The following KCTD4 variants were observed in gnomAD, a reference collection of about 807,000 sequenced individuals.
KCTD4 encodes potassium channel tetramerization domain containing 4.
A neutral mutation model predicts 18.3 loss-of-function variants in KCTD4; 12 were observed. The ratio of observed to expected loss-of-function variants is 0.66; its 90% CI spans 0.42 to 1.06. The LOEUF is 1.06. Ranked by LOEUF, KCTD4 falls within the 50% of genes least tolerant of loss-of-function variation. The pLI, the probability that KCTD4 is intolerant of heterozygous loss-of-function variation, is 0.00. For missense variants in KCTD4, 250 were observed against 303.4 expected (o/e 0.82, Z 1.31); for synonymous variants, 124 against 110.5 (o/e 1.12, Z -0.76).
At chr13:45,199,057 C>T (rs1385334728) in intron 1 of KCTD4, among the ~76,000 whole-genome samples, 1 of 152,204 alleles carries the variant, frequency 6.6e-6, no homozygotes, top group Non-Finnish European at 1.5e-5. Flanking sequence ...ATGGCAGCCA[C>T]TTTATGTAAC....
Position 45,196,474 on chromosome 13 carries a change from G to A in KCTD4, c.-187-1720C>T, listed in dbSNP as rs146151904. On this transcript the variant is annotated intron_variant, in intron 1 of 1. Coordinates refer to ENST00000379108, the MANE Select transcript of KCTD4 (RefSeq NM_198404.3). ...TTAAGAAATACTGAATAGATTTTGA[G>A]GGAGAAGGGATACAACTCTGGAAGT... 6.6e-5 allele frequency among the ~76,000 whole-genome samples: 10 copies of A among 152,250 alleles called. No homozygotes were observed. In the East Asian group the frequency reaches 1.9e-3, roughly 29 times the overall value.
intron 1 of KCTD4, 74 bp from the exon 2 acceptor site, chr13:45,194,828 GTCTA>G: frequency 6.4e-6 from 3 of 466,496 alleles, no homozygotes; most frequent in Admixed American, 3.8e-5. Flanking sequence ...GGATTTTCAT[GTCTA>G]TCCTTTGAAG....
chr13:45,199,141 G>T (rs886653653), intron 1 of KCTD4, among the ~76,000 whole-genome samples: 1 of 152,168 alleles, frequency 6.6e-6, no homozygotes, highest in Admixed American at 6.5e-5. Flanking sequence ...GTAACCTCTG[G>T]CCACAAGGTC....
At chr13:45,200,331 T>G (rs1873113751) in intron 1 of KCTD4, among the ~76,000 whole-genome samples, 1 of 152,128 alleles carries the variant, frequency 6.6e-6, no homozygotes, top group Admixed American at 6.5e-5. Flanking sequence ...AAAATTAAAT[T>G]TTATTTTTTG....
Position 45,194,485 on chromosome 13 carries a change from T to A in KCTD4, c.83A>T (p.Lys28Met), listed in dbSNP as rs1362698987. The change falls in exon 2 of 2, where the codon AAG becomes ATG. Residue 28 changes from lysine to methionine, a missense_variant. Coordinates refer to ENST00000379108, the MANE Select transcript of KCTD4 (RefSeq NM_198404.3). ...HNSLEDTDQG[K>M]NCKSTLMTLN... ...GGTCATCAGTGTGGATTTGCAGTTC[T>A]TTCCTTGATCAGTATCTTCCAGGCT... 1.2e-6 allele frequency: 2 copies of A among 1,614,232 alleles called. No individual in the cohort carries two copies. The highest frequency in any genetic ancestry group is 2.2e-5 in the South Asian group (2 of 91,088).
At chr13:45,194,898 A>G (rs971148855) in intron 1 of KCTD4, among the ~76,000 whole-genome samples, 144 bp from the exon 2 acceptor site, 2 of 152,348 alleles carry the variant, frequency 1.3e-5, no homozygotes, top group South Asian at 2.1e-4. Flanking sequence ...AGCAGATCCA[A>G]ATGTTTAATT....
rs1476297115 is a variant in KCTD4 at position 45,193,397 on chromosome 13, A to G, written c.*391T>C. ...GCCATAGTAGAAAAGGATTTTAAAT[A>G]TTAATAGCCCCTTAAAATATTTTAT... On this transcript the variant is annotated 3_prime_UTR_variant, in exon 2 of 2. Coordinates refer to ENST00000379108, the MANE Select transcript of KCTD4 (RefSeq NM_198404.3). 1 of 159,680 alleles carries G rather than the reference A, an allele frequency of 6.3e-6. No homozygotes were observed. Among genetic ancestry groups the G allele is most frequent in the Non-Finnish European group, 1.4e-5 (1 of 73,258 alleles). The allele number at this position is 159,680 out of a possible 1,614,324, so 9.9% of individuals were successfully genotyped here. A position where few individuals can be genotyped will look rare whatever the true frequency, so the allele number is the denominator to read the frequency against.
In KCTD4 at chr13:45,194,526, A is replaced by G. The variant is rs573630345; in HGVS notation, c.42T>C (p.Tyr14=). 8.7e-6 allele frequency: 14 copies of G among 1,613,542 alleles called. No individual in the cohort carries two copies. In the East Asian group the frequency reaches 2.7e-4, roughly 31 times the overall value. The change falls in exon 2 of 2, where the codon TAT becomes TAC. Residue 14 remains tyrosine (Y), a synonymous_variant. Transcript: ENST00000379108. ...KINRREKEKE[Y]EGKHNSLEDT... ...CTTCCAGGCTGTTGTGTTTCCCTTC[A>G]TACTCCTTTTCTTTTTCTCTTCTGT... is the stretch of plus-strand genomic sequence containing the variant.
chr13:45,198,821 A>G (rs1873034135), intron 1 of KCTD4, among the ~76,000 whole-genome samples: 1 of 152,038 alleles, frequency 6.6e-6, no homozygotes, highest in African/African-American at 2.4e-5. Context: ...ACTGAATGTA[A>G]GAAACATTCA....
At chr13:45,197,537 A>G (rs1379824692) in intron 1 of KCTD4, among the ~76,000 whole-genome samples, 7 of 150,616 alleles carry the variant, frequency 4.6e-5, no homozygotes, top group Admixed American at 4.6e-4. Flanking sequence ...GGCACCCAGT[A>G]GGCCCCGCTG....
chr13:45,198,906 A>G lies in KCTD4; in HGVS notation c.-188+1918T>C, dbSNP rs78703677. ...AAAATAAAAATTACACTGTCTAATT[A>G]TTGACATGTTTTAAGAATCAAGGAT... On this transcript the variant is annotated intron_variant, in intron 1 of 1. Coordinates refer to ENST00000379108, the MANE Select transcript of KCTD4 (RefSeq NM_198404.3). Among the ~76,000 whole-genome samples, 258 of 152,306 alleles carry G rather than the reference A, an allele frequency of 1.7e-3. 6 individuals carry two copies. In the East Asian group the frequency reaches 0.045, roughly 26 times the overall value.
chr13:45,194,626 C>A lies in KCTD4; in HGVS notation c.-59G>T. On this transcript the variant is annotated 5_prime_UTR_variant, in exon 2 of 2. Coordinates refer to ENST00000379108, the MANE Select transcript of KCTD4 (RefSeq NM_198404.3). ...GGCTTTGAGATTTTTTAAAAAGAGA[C>A]ACTACCACACAAGCACGCCTTTATT... 1 of 1,428,534 alleles carries A rather than the reference C, an allele frequency of 7.0e-7. No homozygotes were observed. Among genetic ancestry groups the A allele is most frequent in the Non-Finnish European group, 9.6e-7 (1 of 1,037,572 alleles). The allele number at this position is 1,428,534 out of a possible 1,614,324, so 88.5% of individuals were successfully genotyped here. A position where few individuals can be genotyped will look rare whatever the true frequency, so the allele number is the denominator to read the frequency against.
Position 45,194,515 on chromosome 13 carries a change from T to G in KCTD4, c.53A>C (p.His18Pro). ...TTGATCAGTATCTTCCAGGCTGTTG[T>G]GTTTCCCTTCATACTCCTTTTCTTT... ...REKEKEYEGK[H>P]NSLEDTDQGK... The change falls in exon 2 of 2, where the codon CAC becomes CCC. Residue 18 changes from histidine to proline, a missense_variant. By Grantham distance (77) the His-to-Pro change is moderately conservative. Coordinates refer to ENST00000379108, the MANE Select transcript of KCTD4 (RefSeq NM_198404.3). 1 of 1,614,154 alleles carries G rather than the reference T, an allele frequency of 6.2e-7. No individual in the cohort carries two copies. The highest frequency in any genetic ancestry group is 1.1e-5 in the South Asian group (1 of 91,076).
chr13:45,194,328 G>A lies in KCTD4; in HGVS notation c.240C>T (p.Asp80=). Residue 80 remains aspartate (D), a synonymous_variant, in exon 2 of 2, where the codon GAC becomes GAT. Transcript: ENST00000379108. ...PFDADGHYFI[D]RDGLLFRHVL... The stretch of plus-strand genomic sequence containing the variant: ...CATGCCTGAAGAGGAGACCATCCCT[G>A]TCTATGAAATAATGACCATCAGCAT... The A allele has an allele frequency of 6.2e-7, 1 of 1,614,162 alleles. No individual in the cohort carries two copies. The highest frequency in any genetic ancestry group is 1.6e-4 in the Middle Eastern group (1 of 6,062).
intron 1 of KCTD4, among the ~76,000 whole-genome samples, chr13:45,200,087 G>A (rs1437519426): frequency 6.6e-6 from 1 of 152,026 alleles, no homozygotes; most frequent in Non-Finnish European, 1.5e-5. Flanking sequence ...TTTAGCAGCA[G>A]TATTTTGTCT....
chr13:45,193,677 G>T lies in KCTD4; in HGVS notation c.*111C>A. On this transcript the variant is annotated 3_prime_UTR_variant, in exon 2 of 2. Transcript: ENST00000379108. Reference sequence around the variant, plus strand: ...GCTCACAGTAATTGATTAGTAGCAGGGCTCTGTAGTACAGAGCTAGCTGGG... The same window carrying T: ...GCTCACAGTAATTGATTAGTAGCAGTGCTCTGTAGTACAGAGCTAGCTGGG... 1.1e-6 allele frequency: 1 copy of T among 922,870 alleles called. No homozygotes were observed. Among genetic ancestry groups the T allele is most frequent in the Non-Finnish European group, 1.7e-6 (1 of 602,860 alleles). The allele number at this position is 922,870 out of a possible 1,614,324, so 57.2% of individuals were successfully genotyped here. A position where few individuals can be genotyped will look rare whatever the true frequency, so the allele number is the denominator to read the frequency against.
chr13:45,194,576 G>A lies in KCTD4; in HGVS notation c.-9C>T. On this transcript the variant is annotated 5_prime_UTR_variant, in exon 2 of 2. Transcript: ENST00000379108. Reference sequence around the variant, plus strand: ...TTTATTTTACGCTCCATTTTTTGAAGATGCTATTTCAGCTTGTTCTTCTTG... The same window carrying A: ...TTTATTTTACGCTCCATTTTTTGAAAATGCTATTTCAGCTTGTTCTTCTTG... The A allele has an allele frequency of 6.2e-7, 1 of 1,604,982 alleles. No homozygotes were observed.
chr13:45,194,901 G>T (rs1872815373), intron 1 of KCTD4, among the ~76,000 whole-genome samples, 147 bp from the exon 2 acceptor site: 1 of 152,174 alleles, frequency 6.6e-6, no homozygotes. Flanking sequence ...AGATCCAAAT[G>T]TTTAATTCTT....
chr13:45,194,238 A>G lies in KCTD4; in HGVS notation c.330T>C (p.Leu110=), dbSNP rs1872774849. ...GCTGAAAGAATTCTGCTTCTTGTGC[A>G]AGAAGTTGATTTTCTCGAAACCCTT... ...LPEGFRENQL[L]AQEAEFFQLK... Residue 110 remains leucine (L), a synonymous_variant, in exon 2 of 2, where the codon CTT becomes CTC. Coordinates refer to ENST00000379108, the MANE Select transcript of KCTD4 (RefSeq NM_198404.3). 6.2e-7 allele frequency: 1 copy of G among 1,614,036 alleles called. No homozygotes were observed. Among genetic ancestry groups the G allele is most frequent in the African/African-American group, 1.3e-5 (1 of 74,924 alleles).
Sources: allele counts gnomAD v4.1 joint callset (sites outside exome capture counted in the v4.1 genomes callset), GRCh38; gene constraint gnomAD v4.1.1; transcripts MANE v1.5; gene names NCBI Gene and HGNC (gene_info 2026-07-23, HGNC 2026-07-21).